FRMD4B: variants seen among roughly 807,000 people sequenced by gnomAD.
FRMD4B encodes the protein FERM domain-containing protein 4B.
FRMD4B carries 74 observed loss-of-function variants against 141.5 expected under a neutral mutation model. That is an observed-to-expected ratio of 0.52 (90% CI 0.43 to 0.63). The LOEUF (loss-of-function observed/expected upper bound fraction) is 0.63, where lower values mean the gene tolerates loss of function less well. Among genes scored for constraint, FRMD4B ranks in the 30% least tolerant of loss-of-function variants. FRMD4B has a pLI of 0.00. For synonymous variants in FRMD4B, 506 were observed against 467.9 expected, an observed-to-expected ratio of 1.08 and a Z score of -1.05; for missense variants, 1,366 against 1,253.4, an observed-to-expected ratio of 1.09 and a Z score of -1.36.
chr3:69,190,667 G>C (rs910395126), intron 17 of FRMD4B, among the ~76,000 whole-genome samples: 1 of 152,134 alleles, frequency 6.6e-6, no homozygotes, highest in African/African-American at 2.4e-5. Flanking sequence ...TGCCTACCTA[G>C]GCCTCCCAAA....
intron 2 of FRMD4B, among the ~76,000 whole-genome samples, chr3:69,418,822 A>ATGTGTGTG (rs147894176): frequency 6.0e-5 from 9 of 150,466 alleles, no homozygotes; most frequent in East Asian, 5.9e-4. Context: ...CATAGCAACT[A>ATGTGTGTG]TGTGTGTGTG....
At chr3:69,512,315 A>C (rs1006040615) in intron 1 of FRMD4B, among the ~76,000 whole-genome samples, 7 of 152,150 alleles carry the variant, frequency 4.6e-5, no homozygotes, top group African/African-American at 1.7e-4. Context: ...AAGGAAGGCA[A>C]ACAAAGAAGA....
chr3:69,483,151 G>A (rs1399203009), intron 1 of FRMD4B, among the ~76,000 whole-genome samples: 1 of 152,210 alleles, frequency 6.6e-6, no homozygotes, highest in African/African-American at 2.4e-5. Context: ...GGTACCAGAT[G>A]TTCCAAAAGT....
intron 1 of FRMD4B, among the ~76,000 whole-genome samples, chr3:69,492,299 G>A (rs1036866524): frequency 2.0e-5 from 3 of 152,168 alleles, no homozygotes; most frequent in African/African-American, 4.8e-5. Context: ...AAGGGCCAGC[G>A]ATCCCTCTTT....
intron 1 of FRMD4B, among the ~76,000 whole-genome samples, chr3:69,540,660 T>TATATATACACAC (rs1241897477): frequency 3.5e-5 from 2 of 56,868 alleles, no homozygotes; most frequent in African/African-American, 2.1e-4. Flanking sequence ...TATATATATA[T>TATATATACACAC]ACACACACAC....
intron 1 of FRMD4B, chr3:69,322,991 G>C: frequency 1.0e-6 from 1 of 960,316 alleles, no homozygotes; most frequent in Non-Finnish European, 1.2e-6. Flanking sequence ...TCCATCAGTC[G>C]TACCAAAGTA....
intron 1 of FRMD4B, among the ~76,000 whole-genome samples, chr3:69,516,300 A>G (rs1453472441): frequency 1.3e-5 from 2 of 152,176 alleles, no homozygotes; most frequent in African/African-American, 4.8e-5. Context: ...ATGACAAAAG[A>G]GGTTTTGTTG....
At chr3:69,271,045 G>A (rs866604714) in intron 5 of FRMD4B, among the ~76,000 whole-genome samples, 4 of 151,964 alleles carry the variant, frequency 2.6e-5, no homozygotes, top group South Asian at 4.1e-4. Context: ...AGCATTTATC[G>A]TAGTATTTTT....
chr3:69,536,874 G>A (rs984295337), intron 1 of FRMD4B, among the ~76,000 whole-genome samples: 2 of 152,114 alleles, frequency 1.3e-5, no homozygotes, highest in African/African-American at 4.8e-5. Flanking sequence ...AGCCTTCTGA[G>A]TACCTGGGAT....
At chr3:69,242,993 T>C (rs891516631) in intron 7 of FRMD4B, among the ~76,000 whole-genome samples, 1 of 45,594 alleles carries the variant, frequency 2.2e-5, no homozygotes, top group African/African-American at 5.5e-5. Flanking sequence ...AAACTCTGTC[T>C]CAAAAAAAAA....
chr3:69,525,424 T>C (rs1053221355), intron 1 of FRMD4B, among the ~76,000 whole-genome samples: 2 of 152,148 alleles, frequency 1.3e-5, no homozygotes, highest in Non-Finnish European at 2.9e-5. Context: ...ATGGAGTCAC[T>C]GTTGAAAAGC....
intron 1 of FRMD4B, among the ~76,000 whole-genome samples, chr3:69,495,832 G>A (rs748145740): frequency 2.0e-5 from 3 of 152,026 alleles, no homozygotes; most frequent in Non-Finnish European, 2.9e-5. Context: ...GTTTGACTAC[G>A]TTGAAATATA....
chr3:69,182,554 C>A, intron 20 of FRMD4B, 44 bp downstream of exon 20: 1 of 1,548,856 alleles, frequency 6.5e-7, no homozygotes, highest in Non-Finnish European at 8.7e-7. Context: ...AACCTCAAAG[C>A]AAAAATCAAG....
chr3:69,353,581 T>A, intron 1 of FRMD4B: 1 of 985,360 alleles, frequency 1.0e-6, no homozygotes, highest in Non-Finnish European at 1.2e-6. Context: ...TTAAAGGAAC[T>A]GAAGAGAGTG....
At chr3:69,309,243 G>A (rs1459576868) in intron 3 of FRMD4B, among the ~76,000 whole-genome samples, 1 of 151,604 alleles carries the variant, frequency 6.6e-6, no homozygotes, top group Non-Finnish European at 1.5e-5. Flanking sequence ...TCCCACCTCA[G>A]CCTCAGCCTC....
intron 1 of FRMD4B, among the ~76,000 whole-genome samples, chr3:69,475,278 C>T (rs1428619181): frequency 2.0e-5 from 3 of 151,686 alleles, no homozygotes; most frequent in Non-Finnish European, 2.9e-5. Flanking sequence ...CATAGGTATA[C>T]GTGTGCCATG....
intron 1 of FRMD4B, among the ~76,000 whole-genome samples, chr3:69,379,665 T>C (rs1704065119): frequency 6.6e-6 from 1 of 152,248 alleles, no homozygotes; most frequent in African/African-American, 2.4e-5. Context: ...CTTCCTCTAG[T>C]ATTCTCCACC....
intron 4 of FRMD4B, among the ~76,000 whole-genome samples, chr3:69,301,912 G>T (rs957946184): frequency 6.6e-6 from 1 of 152,162 alleles, no homozygotes; most frequent in Non-Finnish European, 1.5e-5. Flanking sequence ...GCATCAAATT[G>T]TACAGAATTC....
In FRMD4B at chr3:69,410,726, A is replaced by AATAT. The variant is rs767608068; in HGVS notation, c.-1+21904_-1+21907dup. Among the ~76,000 whole-genome samples, 204 of 86,030 alleles carry AATAT rather than the reference A, an allele frequency of 2.4e-3. 2 individuals carry two copies. Among genetic ancestry groups the AATAT allele is most frequent in the Middle Eastern group, 6.0e-3 (1 of 166 alleles). The allele number at this position is 86,030 out of a possible 152,430, so 56.4% of individuals were successfully genotyped here. On this transcript the variant is annotated intron_variant, in intron 2 of 5. Coordinates refer to the FRMD4B transcript ENST00000459638. ...AAATATATAAATAAATAAATAAATAAATATATATATATATATATATATATA... is the reference window on the plus strand; with the variant it reads ...AAATATATAAATAAATAAATAAATAAATATATATATATATATATATATATATATA...
Sources: allele counts gnomAD v4.1 joint callset (sites outside exome capture counted in the v4.1 genomes callset), GRCh38; gene constraint gnomAD v4.1.1; transcripts MANE v1.5; gene names NCBI Gene and HGNC (gene_info 2026-07-23, HGNC 2026-07-21).